Variants in DNAJC15 observed in about 807,000 individuals in gnomAD.
The protein encoded by DNAJC15 is DnaJ heat shock protein family (Hsp40) member C15.
DNAJC15 carries 27 observed loss-of-function variants against 22.4 expected under a neutral mutation model. The observed-to-expected ratio is 1.20, with a 90% CI of 0.89 to 1.66. DNAJC15 has a LOEUF of 1.66. DNAJC15 is among the 40% of genes most tolerant of loss of function. The probability of loss-of-function intolerance (pLI) is 0.00; values close to 1 mark genes in which losing one functional copy is unlikely to be tolerated. For missense variants in DNAJC15, 208 were observed against 187.1 expected (o/e 1.11, Z -0.65); for synonymous variants, 79 against 63.2 (o/e 1.25, Z -1.19).
intron 1 of DNAJC15, among the ~76,000 whole-genome samples, chr13:43,064,092 A>G (rs1488483119): frequency 1.3e-5 from 2 of 152,140 alleles, no homozygotes; most frequent in Admixed American, 6.6e-5. Flanking sequence ...CTGCCAGGGA[A>G]TGAATCTTCT....
intron 1 of DNAJC15, among the ~76,000 whole-genome samples, chr13:43,053,752 G>T (rs905549010): frequency 3.3e-5 from 5 of 152,160 alleles, no homozygotes; most frequent in Admixed American, 2.0e-4. Context: ...ACTGATTTGT[G>T]TACATTAATT....
chr13:43,058,700 T>C (rs2040542879), intron 1 of DNAJC15, among the ~76,000 whole-genome samples: 2 of 152,324 alleles, frequency 1.3e-5, no homozygotes, highest in South Asian at 4.2e-4. Context: ...ATCTGGAACT[T>C]TCCTTCTACC....
At chr13:43,027,125 C>T (rs1263893509) in intron 1 of DNAJC15, among the ~76,000 whole-genome samples, 1 of 152,158 alleles carries the variant, frequency 6.6e-6, no homozygotes, top group Non-Finnish European at 1.5e-5. Context: ...AGAAAAGAAA[C>T]TTTAAGAGAT....
intron 1 of DNAJC15, among the ~76,000 whole-genome samples, chr13:43,064,401 T>C (rs114897864): frequency 0.012 from 1,869 of 152,296 alleles, 32 homozygotes; most frequent in African/African-American, 0.04. Context: ...AGCCTCCCTT[T>C]AGTCTCAGCC....
intron 5 of DNAJC15, among the ~76,000 whole-genome samples, chr13:43,101,437 T>C (rs2040768568): frequency 6.6e-6 from 1 of 152,214 alleles, no homozygotes; most frequent in Non-Finnish European, 1.5e-5. Flanking sequence ...ATTTCAGTAG[T>C]TTTGGGGGAA....
intron 5 of DNAJC15, among the ~76,000 whole-genome samples, chr13:43,101,483 T>C (rs2040768854): frequency 6.6e-6 from 1 of 152,246 alleles, no homozygotes; most frequent in African/African-American, 2.4e-5. Flanking sequence ...AGCTTTTTTG[T>C]GGTGATTTCT....
At chr13:43,078,040 C>T (rs2040642488) in intron 3 of DNAJC15, among the ~76,000 whole-genome samples, 1 of 152,184 alleles carries the variant, frequency 6.6e-6, no homozygotes, top group South Asian at 2.1e-4. Flanking sequence ...ACTTAAAATT[C>T]TAAATTCCTT....
At chr13:43,098,301 C>T (rs2040751100) in intron 5 of DNAJC15, among the ~76,000 whole-genome samples, 2 of 152,114 alleles carry the variant, frequency 1.3e-5, no homozygotes, top group Non-Finnish European at 2.9e-5. Flanking sequence ...GTTGGTAGAA[C>T]AGGGTACTTT....
At chr13:43,071,839 C>G (rs2040610602) in intron 3 of DNAJC15, among the ~76,000 whole-genome samples, 1 of 152,120 alleles carries the variant, frequency 6.6e-6, no homozygotes, top group African/African-American at 2.4e-5. Flanking sequence ...AATCTTATCT[C>G]TTTTTCATAC....
At chr13:43,103,544 G>A (rs1394557280) in intron 5 of DNAJC15, among the ~76,000 whole-genome samples, 1 of 152,198 alleles carries the variant, frequency 6.6e-6, no homozygotes, top group Non-Finnish European at 1.5e-5. Flanking sequence ...AGTTTGTCGA[G>A]ACTTGCTTTT....
At chr13:43,061,212 A>G (rs563819699) in intron 1 of DNAJC15, among the ~76,000 whole-genome samples, 6 of 152,352 alleles carry the variant, frequency 3.9e-5, no homozygotes, top group Admixed American at 3.9e-4. Context: ...CCTTGGTCCA[A>G]GAACTATTTG....
intron 2 of DNAJC15, among the ~76,000 whole-genome samples, chr13:43,066,534 G>A (rs1289814954): frequency 6.6e-6 from 1 of 152,222 alleles, no homozygotes; most frequent in Non-Finnish European, 1.5e-5. Flanking sequence ...CATCTGCAAA[G>A]TCAGTTTTAT....
intron 1 of DNAJC15, among the ~76,000 whole-genome samples, chr13:43,048,065 T>C (rs1432415663): frequency 1.3e-5 from 2 of 152,266 alleles, no homozygotes; most frequent in Non-Finnish European, 2.9e-5. Flanking sequence ...TGCAGTGCTA[T>C]TATGCATATG....
chr13:43,085,140 GA>G (rs2040681357), intron 4 of DNAJC15, among the ~76,000 whole-genome samples: 2 of 152,204 alleles, frequency 1.3e-5, no homozygotes, highest in South Asian at 4.2e-4. Flanking sequence ...AAGGTGGGTG[GA>G]TCACGAGGTC....
At chr13:43,093,065 ACTGT>A (rs1177749319) in intron 5 of DNAJC15, among the ~76,000 whole-genome samples, 7 of 152,184 alleles carry the variant, frequency 4.6e-5, no homozygotes, top group African/African-American at 1.7e-4. Flanking sequence ...TTTCTTCTAC[ACTGT>A]CTAATTTCCT....
chr13:43,084,785 T>G (rs1170304743), intron 4 of DNAJC15, among the ~76,000 whole-genome samples: 2 of 152,218 alleles, frequency 1.3e-5, no homozygotes, highest in South Asian at 4.1e-4. Context: ...ACTTTAATTT[T>G]TGTTTACAGC....
intron 1 of DNAJC15, among the ~76,000 whole-genome samples, chr13:43,029,735 C>T (rs1323862): frequency 0.56 from 84,988 of 151,698 alleles, 23,851 homozygotes; most frequent in African/African-American, 0.62. Flanking sequence ...ATTTGTTGAT[C>T]TGCTGGCATT....
chr13:43,060,752 A>T (rs1328646578), intron 1 of DNAJC15, among the ~76,000 whole-genome samples: 2 of 152,200 alleles, frequency 1.3e-5, no homozygotes, highest in Non-Finnish European at 2.9e-5. Context: ...AGCTTGGGTG[A>T]TTTGACTAAT....
intron 1 of DNAJC15, among the ~76,000 whole-genome samples, chr13:43,059,039 A>T (rs1258288571): frequency 6.6e-6 from 1 of 151,966 alleles, no homozygotes; most frequent in African/African-American, 2.4e-5. Flanking sequence ...GGTTTTCCTG[A>T]TATGTTTCTG....
Sources: gnomAD v4.1 joint callset for allele counts (sites outside exome capture counted in the v4.1 genomes callset) on GRCh38, gnomAD v4.1.1 for gene constraint, MANE v1.5 for transcripts, NCBI Gene and HGNC (gene_info 2026-07-23, HGNC 2026-07-21) for gene names.